Variants in ABCG1 observed in about 807,000 individuals in gnomAD.
ABCG1 encodes the protein ATP binding cassette subfamily G member 1.
A neutral mutation model predicts 69.2 loss-of-function variants in ABCG1; 29 were observed. That is an observed-to-expected ratio of 0.42 (90% CI 0.31 to 0.57). The LOEUF is 0.57. ABCG1 is among the 20% of genes least tolerant of loss of function. The probability of loss-of-function intolerance (pLI) is 0.15; values close to 1 mark genes in which losing one functional copy is unlikely to be tolerated. For synonymous variants in ABCG1, 370 were observed against 374.8 expected (o/e 0.99, Z 0.15); for missense variants, 718 against 898.1 (o/e 0.80, Z 2.56).
At chr21:42,210,254 G>A (rs2067575810) in intron 2 of ABCG1, among the ~76,000 whole-genome samples, 1 of 152,206 alleles carries the variant, frequency 6.6e-6, no homozygotes, top group Non-Finnish European at 1.5e-5. Flanking sequence ...GGGATGGAAT[G>A]TTCTGGGAGG....
chr21:42,261,403 G>C (rs1405154722), intron 2 of ABCG1, among the ~76,000 whole-genome samples: 1 of 152,190 alleles, frequency 6.6e-6, no homozygotes, highest in Non-Finnish European at 1.5e-5. Flanking sequence ...AGTACTGTCT[G>C]CATGGCATCT....
Position 42,271,656 on chromosome 21 carries a change from C to T in ABCG1, c.404+469C>T, listed in dbSNP as rs563108940. Among the ~76,000 whole-genome samples, 75 of 152,182 alleles carry T rather than the reference C, an allele frequency of 4.9e-4. 1 individual carries two copies. The highest frequency in any genetic ancestry group is 1.4e-3 in the African/African-American group (59 of 41,522). The stretch of plus-strand genomic sequence containing the variant: ...CAGCACTTTGGGAGGCCGAGGTGGG[C>T]GGATTACCTGAGGTCAGGAGTTCTA... On this transcript the variant is annotated intron_variant, in intron 3 of 14. Coordinates refer to ENST00000398449, the MANE Select transcript of ABCG1 (RefSeq NM_016818.3).
At chr21:42,282,190 G>A (rs2068822171) in intron 5 of ABCG1, 84 bp from the exon 6 acceptor site, 3 of 1,536,376 alleles carry the variant, frequency 2.0e-6, no homozygotes, top group Admixed American at 1.8e-5. Context: ...GCTGAGGGCG[G>A]CTGGCAGGTC....
chr21:42,223,835 C>A (rs1490736971), intron 1 of ABCG1, among the ~76,000 whole-genome samples: 1 of 152,122 alleles, frequency 6.6e-6, no homozygotes, highest in Non-Finnish European at 1.5e-5. Context: ...GGCCATTCAC[C>A]CTGTATTAGT....
At chr21:42,245,312 C>T (rs2068115514) in intron 2 of ABCG1, among the ~76,000 whole-genome samples, 1 of 152,190 alleles carries the variant, frequency 6.6e-6, no homozygotes, top group Non-Finnish European at 1.5e-5. Flanking sequence ...TTACAAGGAA[C>T]CTGTTGGGTT....
intron 10 of ABCG1, among the ~76,000 whole-genome samples, chr21:42,289,300 C>T (rs990998272): frequency 6.6e-6 from 1 of 152,228 alleles, no homozygotes; most frequent in Non-Finnish European, 1.5e-5. Context: ...TCTGGACATG[C>T]CTTTCTTCAC....
At chr21:42,278,828 G>A (rs3787996) in intron 5 of ABCG1, among the ~76,000 whole-genome samples, 3 of 151,940 alleles carry the variant, frequency 2.0e-5, no homozygotes, top group South Asian at 2.1e-4. Flanking sequence ...TCAACAGAAC[G>A]GGGCCCTGGG....
chr21:42,218,767 ACTCT>A (rs1179991032), upstream of ABCG1, among the ~76,000 whole-genome samples: 1 of 151,406 alleles, frequency 6.6e-6, no homozygotes, highest in Non-Finnish European at 1.5e-5. Context: ...CCTGGCCCTC[ACTCT>A]CCCTCCCTGG....
chr21:42,280,653 A>AG (rs1441996872), intron 5 of ABCG1, among the ~76,000 whole-genome samples: 7 of 152,192 alleles, frequency 4.6e-5, no homozygotes, highest in African/African-American at 1.7e-4. Flanking sequence ...GGCCCAGCTC[A>AG]TGGGCAGGGG....
intron 2 of ABCG1, chr21:42,256,575 C>T (rs534647237): frequency 1.5e-5 from 23 of 1,529,772 alleles, no homozygotes; most frequent in Middle Eastern, 1.7e-4. Flanking sequence ...GGGACACTGA[C>T]CCATGAAGAG....
intron 2 of ABCG1, chr21:42,206,812 A>T (rs2123466077): frequency 1.3e-5 from 2 of 149,332 alleles, no homozygotes; most frequent in South Asian, 4.3e-4. Flanking sequence ...GGTTATGTCT[A>T]TGAGTGACAC....
At chr21:42,228,924 G>A (rs569687271) in intron 2 of ABCG1, among the ~76,000 whole-genome samples, 8 of 152,366 alleles carry the variant, frequency 5.3e-5, no homozygotes, top group African/African-American at 7.2e-5. Flanking sequence ...ATAACAGTGC[G>A]CATTAAATGC....
At chr21:42,201,445 GC>G in intron 1 of ABCG1, 2 of 528,228 alleles carry the variant, frequency 3.8e-6, no homozygotes, top group Non-Finnish European at 6.7e-6. Flanking sequence ...CTGCTGTGTG[GC>G]CCCATTCCTA....
upstream of ABCG1, among the ~76,000 whole-genome samples, chr21:42,215,016 C>T (rs4148091): frequency 0.14 from 21,003 of 152,192 alleles, 1,720 homozygotes; most frequent in East Asian, 0.24. Flanking sequence ...ACAAGGCAGC[C>T]GAAGACACAG....
intron 2 of ABCG1, among the ~76,000 whole-genome samples, chr21:42,227,198 G>A (rs1434810611): frequency 1.3e-5 from 2 of 152,158 alleles, no homozygotes; most frequent in Non-Finnish European, 2.9e-5. Flanking sequence ...GTATAGCACT[G>A]TGATGTGATA....
intron 2 of ABCG1, among the ~76,000 whole-genome samples, chr21:42,268,382 T>TGC (rs1485814024): frequency 1.1e-4 from 15 of 137,536 alleles, no homozygotes; most frequent in African/African-American, 4.2e-4. Flanking sequence ...TGTGTGTGTG[T>TGC]GTGTGTGCGC....
chr21:42,278,383 A>G (rs1045358127), intron 5 of ABCG1, among the ~76,000 whole-genome samples: 2 of 152,146 alleles, frequency 1.3e-5, no homozygotes, highest in Middle Eastern at 6.3e-3. Flanking sequence ...CCCCCAAAAG[A>G]TGATATGTTA....
At chr21:42,203,857 G>A (rs963176711) in intron 2 of ABCG1, among the ~76,000 whole-genome samples, 2 of 152,102 alleles carry the variant, frequency 1.3e-5, no homozygotes, top group African/African-American at 4.8e-5. Context: ...TTTTTACTAC[G>A]TTAAGTCTTC....
chr21:42,282,995 C>T (rs1453852073), intron 6 of ABCG1, among the ~76,000 whole-genome samples: 1 of 152,220 alleles, frequency 6.6e-6, no homozygotes, highest in East Asian at 1.9e-4. Flanking sequence ...TGCGGAATCA[C>T]TACCCTGGAG....
Sources: allele counts gnomAD v4.1 joint callset (sites outside exome capture counted in the v4.1 genomes callset), GRCh38; gene constraint gnomAD v4.1.1; transcripts MANE v1.5; gene names NCBI Gene and HGNC (gene_info 2026-07-23, HGNC 2026-07-21).